Variants in PIN4 observed in about 807,000 individuals in gnomAD.
PIN4 encodes peptidylprolyl cis/trans isomerase, NIMA-interacting 4.
Under a neutral mutation model 8.3 loss-of-function variants are expected in PIN4, and 3 were observed. That is an observed-to-expected ratio of 0.36 (90% CI 0.16 to 0.93). The LOEUF (loss-of-function observed/expected upper bound fraction) is 0.93, where lower values mean the gene tolerates loss of function less well. PIN4 is among the 40% of genes least tolerant of loss of function. The pLI is 0.44. For missense variants in PIN4, 75 were observed against 100.6 expected (o/e 0.75, Z 1.09); for synonymous variants, 18 against 32.5 (o/e 0.55, Z 1.52).
chrX:72,260,989 G>C (rs2043136656), intron 3 of PIN4, among the ~76,000 whole-genome samples: 1 of 111,954 alleles, frequency 8.9e-6, no homozygotes, highest in African/African-American at 3.2e-5. Flanking sequence ...TGCAGCCAGA[G>C]AGAGCTTTTT....
chrX:72,252,483 A>C (rs550796871), intron 3 of PIN4, among the ~76,000 whole-genome samples: 1 of 110,698 alleles, frequency 9.0e-6, no homozygotes, highest in East Asian at 2.8e-4. Context: ...TCCTGGGTTG[A>C]AGCAATTCTC....
intron 3 of PIN4, among the ~76,000 whole-genome samples, chrX:72,261,221 G>A (rs189414538): frequency 2.8e-5 from 3 of 108,449 alleles, no homozygotes; most frequent in East Asian, 2.9e-4. Context: ...TCTTGAATCC[G>A]GGAGGCGGAG....
intron 3 of PIN4, among the ~76,000 whole-genome samples, chrX:72,215,134 A>G (rs2042880906): frequency 8.9e-6 from 1 of 112,493 alleles, no homozygotes; most frequent in African/African-American, 3.2e-5. Context: ...GGCATAAAAG[A>G]GTAGCAACAG....
At chrX:72,205,985 G>A in intron 3 of PIN4, 2 of 1,211,766 alleles carry the variant, frequency 1.7e-6, no homozygotes, top group African/African-American at 3.5e-5. Flanking sequence ...GCATCCTGCA[G>A]TGCACTATGG....
intron 3 of PIN4, among the ~76,000 whole-genome samples, chrX:72,235,928 ATAAGT>A (rs2043015076): frequency 1.8e-5 from 2 of 112,217 alleles, no homozygotes; most frequent in Non-Finnish European, 3.8e-5. Flanking sequence ...GAGAAAAAAA[ATAAGT>A]TAAAGTTGTA....
At chrX:72,226,129 C>T (rs78701177) in intron 3 of PIN4, among the ~76,000 whole-genome samples, 2 of 111,791 alleles carry the variant, frequency 1.8e-5, no homozygotes, top group South Asian at 7.5e-4. Flanking sequence ...AGATGCTCCC[C>T]CCTTAATCCT....
At chrX:72,220,864 C>T (rs1383055439) in intron 3 of PIN4, among the ~76,000 whole-genome samples, 3 of 112,028 alleles carry the variant, frequency 2.7e-5, no homozygotes, top group Non-Finnish European at 5.6e-5. Context: ...TGTTTCTTTT[C>T]TCTTTCTTTA....
At chrX:72,250,805 T>C (rs1294880905) in intron 3 of PIN4, among the ~76,000 whole-genome samples, 2 of 97,714 alleles carry the variant, frequency 2.0e-5, no homozygotes, top group African/African-American at 7.5e-5. Flanking sequence ...AGTGCCGCAA[T>C]CTCGGCTCAC....
At chrX:72,241,813 G>A (rs924097462) in intron 3 of PIN4, among the ~76,000 whole-genome samples, 1 of 78,639 alleles carries the variant, frequency 1.3e-5, no homozygotes, top group African/African-American at 7.0e-5. Flanking sequence ...GCGAAACTCC[G>A]TCTCAAAAAA....
intron 3 of PIN4, among the ~76,000 whole-genome samples, chrX:72,251,910 C>T (rs1294749773): frequency 9.1e-6 from 1 of 110,176 alleles, no homozygotes; most frequent in Non-Finnish European, 1.9e-5. Context: ...GCCTGGGTGA[C>T]AGTGTGAGAC....
In PIN4 at chrX:72,248,765, T is replaced by C. The variant is rs2043076738; in HGVS notation, c.313-13942T>C. ...GGTGGTGCACACCTGTGATTCCAGC[T>C]ACTCCAGAGGCTGAGTCAGGAGAAT... On this transcript the variant is annotated intron_variant, in intron 3 of 3. Coordinates refer to the PIN4 transcript ENST00000423432. 2.7e-5 allele frequency among the ~76,000 whole-genome samples: 3 copies of C among 111,287 alleles called. No homozygotes were observed. The South Asian group carries it at 1.1e-3, about 42-fold the overall frequency.
chrX:72,219,948 G>A (rs963884655), intron 3 of PIN4, among the ~76,000 whole-genome samples: 16 of 111,238 alleles, frequency 1.4e-4, no homozygotes, highest in Non-Finnish European at 2.8e-4. Flanking sequence ...TGATATGAGC[G>A]GGAAAAGCCT....
At chrX:72,257,322 A>G (rs2043116170) in intron 3 of PIN4, among the ~76,000 whole-genome samples, 1 of 110,386 alleles carries the variant, frequency 9.1e-6, no homozygotes, top group Non-Finnish European at 1.9e-5. Flanking sequence ...TTCTGTCTCG[A>G]AAAAAGAAAA....
intron 2 of PIN4, among the ~76,000 whole-genome samples, chrX:72,188,460 C>T (rs2042714940): frequency 9.0e-6 from 1 of 110,962 alleles, no homozygotes; most frequent in Non-Finnish European, 1.9e-5. Flanking sequence ...CAGGTTCAAG[C>T]GATTGTCCTG....
intron 3 of PIN4, chrX:72,205,618 A>T (rs764742655): frequency 6.6e-6 from 8 of 1,210,247 alleles, no homozygotes; most frequent in Non-Finnish European, 8.9e-6. Flanking sequence ...GAATTGAAAG[A>T]GAGATGTGTT....
chrX:72,210,386 G>C (rs748373587), intron 3 of PIN4, among the ~76,000 whole-genome samples: 48 of 111,110 alleles, frequency 4.3e-4, no homozygotes, highest in South Asian at 1.1e-3. Flanking sequence ...ACCAAGTGTT[G>C]GCAAGGTGTG....
At chrX:72,198,671 C>T (rs992065210), downstream of PIN4, 3 of 111,461 alleles carry the variant, frequency 2.7e-5, no homozygotes, top group South Asian at 3.8e-4. Context: ...CTATGCCAAT[C>T]GGGTGTCAGC....
intron 2 of PIN4, among the ~76,000 whole-genome samples, chrX:72,189,162 C>G (rs1376285023): frequency 9.1e-6 from 1 of 110,323 alleles, no homozygotes; most frequent in Non-Finnish European, 1.9e-5. Flanking sequence ...GAGACCTTGT[C>G]TCTAAAAAAG....
At chrX:72,243,210 G>A (rs745860306) in intron 3 of PIN4, among the ~76,000 whole-genome samples, 1 of 110,944 alleles carries the variant, frequency 9.0e-6, no homozygotes, top group Admixed American at 9.6e-5. Flanking sequence ...AGCTACTCGA[G>A]AGGCTGAGGC....
Sources: allele counts gnomAD v4.1 joint callset (sites outside exome capture counted in the v4.1 genomes callset), GRCh38; gene constraint gnomAD v4.1.1; transcripts MANE v1.5; gene names NCBI Gene and HGNC (gene_info 2026-07-23, HGNC 2026-07-21).